IL31RA: variants seen among roughly 807,000 people sequenced by gnomAD.
IL31RA encodes interleukin-31 receptor subunit alpha.
IL31RA carries 66 observed loss-of-function variants against 83.7 expected under a neutral mutation model. That is an observed-to-expected ratio of 0.79 (90% CI 0.65 to 0.97). IL31RA has a LOEUF of 0.97. Ranked by LOEUF, IL31RA falls within the 50% of genes least tolerant of loss-of-function variation. The probability of loss-of-function intolerance (pLI) is 0.00; values close to 1 mark genes in which losing one functional copy is unlikely to be tolerated. For missense variants in IL31RA, 798 were observed against 919.4 expected (o/e 0.87, Z 1.71); for synonymous variants, 325 against 329.0 (o/e 0.99, Z 0.13).
intron 6 of IL31RA, among the ~76,000 whole-genome samples, chr5:55,891,551 C>G (rs1409882610): frequency 6.6e-6 from 1 of 152,076 alleles, no homozygotes; most frequent in Non-Finnish European, 1.5e-5. Flanking sequence ...ATCTACAATA[C>G]TTATCCCCCC....
chr5:55,882,941 C>A, intron 4 of IL31RA, 103 bp from the exon 5 acceptor site: 1 of 1,071,212 alleles, frequency 9.3e-7, no homozygotes, highest in Non-Finnish European at 1.4e-6. Flanking sequence ...TTCCATATAG[C>A]AGACCACAAT....
Position 55,916,964 on chromosome 5 carries a change from A to G in IL31RA, c.2139A>G (p.Pro713=), listed in dbSNP as rs747243747. ...CGAGGATGCCAGAGGGGACCCGCCC[A>G]GAAGCCAAAGAGCAGCTTCTCTTTT... ...LRSRMPEGTR[P]EAKEQLLFSG... Residue 713 remains proline (P), a synonymous_variant, in exon 15 of 15, where the codon CCA becomes CCG. Coordinates refer to ENST00000652347, the MANE Select transcript of IL31RA (RefSeq NM_139017.7). 1 of 1,613,996 alleles carries G rather than the reference A, an allele frequency of 6.2e-7. No homozygotes were observed. The highest frequency in any genetic ancestry group is 8.5e-7 in the Non-Finnish European group (1 of 1,179,920).
In IL31RA at chr5:55,919,036, C is replaced by G. The variant is rs1478905487; in HGVS notation, c.*1916C>G. Reference sequence around the variant, plus strand: ...TCCCTGCTCTCCCTGTTCTCCACCCCTTCTATGGTGTGGGCTCTTCTGTGA... The same window carrying G: ...TCCCTGCTCTCCCTGTTCTCCACCCGTTCTATGGTGTGGGCTCTTCTGTGA... On this transcript the variant is annotated 3_prime_UTR_variant, in exon 15 of 15. Coordinates refer to ENST00000652347, the MANE Select transcript of IL31RA (RefSeq NM_139017.7). Among the ~76,000 whole-genome samples the G allele has an allele frequency of 6.6e-6, 1 of 152,186 alleles. No homozygotes were observed.
At chr5:55,850,865 T>C (rs967592406), upstream of IL31RA, among the ~76,000 whole-genome samples, 9 of 151,868 alleles carry the variant, frequency 5.9e-5, no homozygotes, top group African/African-American at 1.9e-4. Flanking sequence ...CCGAGGCAGG[T>C]GGATCACCTG....
chr5:55,886,791 C>G (rs1747644729), intron 5 of IL31RA, among the ~76,000 whole-genome samples: 1 of 152,222 alleles, frequency 6.6e-6, no homozygotes, highest in African/African-American at 2.4e-5. Flanking sequence ...ATCATGTTCT[C>G]TCACTCTTTC....
At chr5:55,906,947 A>T (rs976683413) in intron 9 of IL31RA, among the ~76,000 whole-genome samples, 3 of 152,100 alleles carry the variant, frequency 2.0e-5, no homozygotes, top group Non-Finnish European at 4.4e-5. Context: ...AAACATCCAT[A>T]TTAAGAATAA....
intron 8 of IL31RA, among the ~76,000 whole-genome samples, chr5:55,901,300 G>A (rs572517091): frequency 6.6e-6 from 1 of 152,122 alleles, no homozygotes; most frequent in South Asian, 2.1e-4. Context: ...ATTAATAGAG[G>A]TGCTGTTAAA....
chr5:55,864,742 T>C (rs1262272712), intron 2 of IL31RA, among the ~76,000 whole-genome samples: 1 of 147,146 alleles, frequency 6.8e-6, no homozygotes, highest in Non-Finnish European at 1.5e-5. Context: ...CTGCACACAC[T>C]ACACACACAC....
At chr5:55,871,655 G>C (rs62361931) in intron 3 of IL31RA, among the ~76,000 whole-genome samples, 1 of 152,074 alleles carries the variant, frequency 6.6e-6, no homozygotes, top group Non-Finnish European at 1.5e-5. Context: ...CCACTGCCAA[G>C]GGTAACAGCT....
At position 55,917,076 on chromosome 5, in the gene IL31RA, C is replaced by T. The variant is rs1302528778; in HGVS notation, c.2251C>T (p.Leu751Phe). The change falls in exon 15 of 15, where the codon CTT becomes TTT. Residue 751 changes from leucine (L) to phenylalanine (F), a missense_variant. Leu to Phe is a conservative substitution (Grantham distance 22, BLOSUM62 0). Transcript: ENST00000652347. ...LKNSVTAREF[L>F]VSEKLPEHTK... ...AAATTCAGTGACAGCCAGGGAATTTCTTGTGTCTGAAAAACTTCCAGAGCA... is the reference window on the plus strand; with the variant it reads ...AAATTCAGTGACAGCCAGGGAATTTTTTGTGTCTGAAAAACTTCCAGAGCA... 2 of 1,614,192 alleles carry T rather than the reference C, an allele frequency of 1.2e-6. No individual in the cohort carries two copies. Among genetic ancestry groups the T allele is most frequent in the Non-Finnish European group, 1.7e-6 (2 of 1,180,032 alleles).
At chr5:55,874,099 G>C (rs995922378) in intron 4 of IL31RA, among the ~76,000 whole-genome samples, 1 of 151,940 alleles carries the variant, frequency 6.6e-6, no homozygotes, top group Non-Finnish European at 1.5e-5. Flanking sequence ...TTATTCTTTT[G>C]CATGTGGATA....
intron 12 of IL31RA, among the ~76,000 whole-genome samples, chr5:55,911,088 C>T (rs1305898701): frequency 1.3e-5 from 2 of 152,208 alleles, no homozygotes; most frequent in African/African-American, 2.4e-5. Flanking sequence ...ATACCCGGGA[C>T]TGGGTAATTT....
chr5:55,898,917 G>A (rs796669993), intron 7 of IL31RA, among the ~76,000 whole-genome samples: 9 of 152,162 alleles, frequency 5.9e-5, no homozygotes, highest in Admixed American at 1.3e-4. Context: ...CCAGCTACTC[G>A]GGAGGCTGAG....
At chr5:55,879,425 CTTTTTTTTT>C (rs869152529) in intron 4 of IL31RA, among the ~76,000 whole-genome samples, 5 of 45,798 alleles carry the variant, frequency 1.1e-4, no homozygotes, top group East Asian at 1.8e-3. Flanking sequence ...AGTTTCTGTC[CTTTTTTTTT>C]TTTTTTTTTT....
intron 5 of IL31RA, 42 bp downstream of exon 5, chr5:55,883,237 G>A (rs1747368956): frequency 6.6e-7 from 1 of 1,506,680 alleles, no homozygotes; most frequent in Non-Finnish European, 9.2e-7. Context: ...TAGAGGCCCA[G>A]AGGAAAAGAA....
chr5:55,913,002 A>G (rs1041165094), intron 12 of IL31RA, among the ~76,000 whole-genome samples: 3 of 152,212 alleles, frequency 2.0e-5, no homozygotes, highest in South Asian at 2.1e-4. Flanking sequence ...TAAGTGCTCA[A>G]TAAGTATTCA....
chr5:55,878,358 T>C (rs1257174388), intron 4 of IL31RA, among the ~76,000 whole-genome samples: 1 of 152,210 alleles, frequency 6.6e-6, no homozygotes, highest in Non-Finnish European at 1.5e-5. Flanking sequence ...AAGGACAGTT[T>C]CTGTGGATTT....
At chr5:55,866,883 TAGAG>T (rs1289816885) in intron 2 of IL31RA, 2 of 152,242 alleles carry the variant, frequency 1.3e-5, no homozygotes, top group African/African-American at 4.8e-5. Flanking sequence ...TCTTGTCTGG[TAGAG>T]ACTGCCTTCC....
intron 5 of IL31RA, among the ~76,000 whole-genome samples, chr5:55,888,042 A>G (rs1214762652): frequency 4.1e-5 from 5 of 122,308 alleles, no homozygotes; most frequent in Non-Finnish European, 6.5e-5. Context: ...AGAGTCAGGG[A>G]AAAAAAAAAA....
Sources: allele counts gnomAD v4.1 joint callset (sites outside exome capture counted in the v4.1 genomes callset), GRCh38; gene constraint gnomAD v4.1.1; transcripts MANE v1.5; gene names NCBI Gene and HGNC (gene_info 2026-07-23, HGNC 2026-07-21).